Variants in NOSTRIN observed in about 807,000 individuals in gnomAD.
The protein encoded by NOSTRIN is BM247 homolog.
NOSTRIN carries 63 observed loss-of-function variants against 59.0 expected under a neutral mutation model. The observed-to-expected ratio is 1.07, with a 90% CI of 0.87 to 1.32. NOSTRIN has a LOEUF of 1.32. Among genes scored for constraint, NOSTRIN ranks in the 40% most tolerant of loss-of-function variants. The pLI is 0.00. For synonymous variants in NOSTRIN, 200 were observed against 165.4 expected (o/e 1.21, Z -1.61); for missense variants, 512 against 473.1 (o/e 1.08, Z -0.76).
At chr2:168,802,750 C>T in intron 1 of NOSTRIN, 77 bp downstream of exon 1, 1 of 833,198 alleles carries the variant, frequency 1.2e-6, no homozygotes, top group Non-Finnish European at 2.1e-6. Context: ...TGGATTTTAA[C>T]TTAAGAAATT....
chr2:168,850,577 C>A (rs1262272514), intron 8 of NOSTRIN, among the ~76,000 whole-genome samples: 1 of 151,930 alleles, frequency 6.6e-6, no homozygotes, highest in Non-Finnish European at 1.5e-5. Flanking sequence ...CTGGGCTTCA[C>A]CCTCTGGAAT....
intron 8 of NOSTRIN, among the ~76,000 whole-genome samples, chr2:168,843,573 G>C (rs1251112020): frequency 6.6e-6 from 1 of 151,860 alleles, no homozygotes; most frequent in Admixed American, 6.6e-5. Context: ...GGCAAAAGTA[G>C]ACACATAAAG....
chr2:168,817,012 A>G (rs921647807), intron 2 of NOSTRIN, among the ~76,000 whole-genome samples: 8 of 152,238 alleles, frequency 5.3e-5, no homozygotes, highest in Admixed American at 5.2e-4. Context: ...AAAAAATAAA[A>G]TCACAGGAGA....
intron 2 of NOSTRIN, among the ~76,000 whole-genome samples, chr2:168,816,721 T>C (rs1322164219): frequency 6.6e-6 from 1 of 152,238 alleles, no homozygotes; most frequent in African/African-American, 2.4e-5. Flanking sequence ...TCTTACACCC[T>C]GCACTGTAAT....
Position 168,851,188 on chromosome 2 carries a change from T to C in NOSTRIN, c.729+6T>C. Reference sequence around the variant, plus strand: ...TTGGCCAAACCCTGACCACAGTGAGTAGAGATGATCTCTCCATTTCTGGTA... The same window carrying C: ...TTGGCCAAACCCTGACCACAGTGAGCAGAGATGATCTCTCCATTTCTGGTA... On this transcript the variant is annotated splice_donor_region_variant and intron_variant, in intron 9 of 15. Transcript: ENST00000317647. 1 of 1,614,076 alleles carries C rather than the reference T, an allele frequency of 6.2e-7. No individual in the cohort carries two copies. Among genetic ancestry groups the C allele is most frequent in the Non-Finnish European group, 8.5e-7 (1 of 1,179,962 alleles).
At chr2:168,840,547 A>AAC (rs2105706436) in intron 7 of NOSTRIN, among the ~76,000 whole-genome samples, 1 of 146,036 alleles carries the variant, frequency 6.8e-6, no homozygotes, top group African/African-American at 2.8e-5. Context: ...AAAAAAAAAA[A>AAC]AAAACAAAAA....
intron 2 of NOSTRIN, among the ~76,000 whole-genome samples, chr2:168,821,550 C>T (rs1288221859): frequency 2.0e-5 from 3 of 152,248 alleles, no homozygotes; most frequent in Non-Finnish European, 2.9e-5. Context: ...AAACTGTTCA[C>T]ATCCGAGGGG....
intron 2 of NOSTRIN, among the ~76,000 whole-genome samples, chr2:168,790,037 G>C (rs1367044545): frequency 1.3e-5 from 2 of 152,180 alleles, no homozygotes; most frequent in Non-Finnish European, 2.9e-5. Context: ...GCCAGATCGA[G>C]TTAGCTCATT....
intron 2 of NOSTRIN, among the ~76,000 whole-genome samples, chr2:168,792,517 T>A (rs1252090470): frequency 6.6e-6 from 1 of 152,184 alleles, no homozygotes; most frequent in Non-Finnish European, 1.5e-5. Flanking sequence ...TGGTGCGATC[T>A]TGACTCACTG....
chr2:168,842,912 A>G (rs947152778), intron 7 of NOSTRIN, 80 bp from the exon 8 acceptor site: 4 of 809,216 alleles, frequency 4.9e-6, no homozygotes, highest in Non-Finnish European at 8.5e-6. Flanking sequence ...TCATTGAGCC[A>G]CATATAATTA....
At chr2:168,816,712 C>T (rs1355182040) in intron 2 of NOSTRIN, among the ~76,000 whole-genome samples, 1 of 152,184 alleles carries the variant, frequency 6.6e-6, no homozygotes, top group Non-Finnish European at 1.5e-5. Context: ...TGTTGTAGCT[C>T]TTACACCCTG....
At position 168,856,673 on chromosome 2, in the gene NOSTRIN, C is replaced by T. The variant is rs1398745434; in HGVS notation, c.965-17C>T. ...AGACAGTGTGAAAGGTGACTGAGAA[C>T]ATGATTTCATTTTCAGGCCTGGAAC... On this transcript the variant is annotated splice_polypyrimidine_tract_variant and intron_variant, in intron 11 of 15. Transcript: ENST00000317647. The T allele has an allele frequency of 6.2e-7, 1 of 1,611,374 alleles. No homozygotes were observed. The highest frequency in any genetic ancestry group is 1.1e-5 in the South Asian group (1 of 91,000).
chr2:168,843,563 G>A (rs1410807067), intron 8 of NOSTRIN, among the ~76,000 whole-genome samples: 2 of 152,012 alleles, frequency 1.3e-5, no homozygotes, highest in African/African-American at 4.8e-5. Context: ...ACATCTCAGT[G>A]GCAAAAGTAG....
At chr2:168,837,800 G>A (rs1157580313) in intron 7 of NOSTRIN, among the ~76,000 whole-genome samples, 1 of 152,146 alleles carries the variant, frequency 6.6e-6, no homozygotes, top group African/African-American at 2.4e-5. Flanking sequence ...TAACTTCTCG[G>A]AAGTATTAAG....
At chr2:168,807,522 G>C (rs1451860539) in intron 1 of NOSTRIN, among the ~76,000 whole-genome samples, 1 of 152,166 alleles carries the variant, frequency 6.6e-6, no homozygotes, top group African/African-American at 2.4e-5. Flanking sequence ...TTGGCGTATA[G>C]TATATAGGAT....
chr2:168,818,408 G>A (rs555704971), intron 2 of NOSTRIN: 22 of 164,332 alleles, frequency 1.3e-4, no homozygotes, highest in Admixed American at 1.1e-3. Context: ...CTCCTACCTC[G>A]GCCTCTGGAG....
intron 2 of NOSTRIN, among the ~76,000 whole-genome samples, chr2:168,820,286 G>T (rs1019960065): frequency 6.6e-5 from 10 of 152,128 alleles, no homozygotes; most frequent in Admixed American, 5.9e-4. Flanking sequence ...TTGGTGTTCC[G>T]TTCCATGAAA....
chr2:168,800,412 G>T (rs545724744), upstream of NOSTRIN, among the ~76,000 whole-genome samples: 1 of 152,108 alleles, frequency 6.6e-6, no homozygotes, highest in Non-Finnish European at 1.5e-5. Flanking sequence ...ACATTCCTCC[G>T]AGAAGCTCAA....
chr2:168,845,128 G>T (rs471087), intron 8 of NOSTRIN, among the ~76,000 whole-genome samples: 97,577 of 151,996 alleles, frequency 0.64, 32,351 homozygotes, highest in African/African-American at 0.81. Context: ...CATAAGCTCC[G>T]GGTACTCTCT....
Sources: allele counts gnomAD v4.1 joint callset (sites outside exome capture counted in the v4.1 genomes callset), GRCh38; gene constraint gnomAD v4.1.1; transcripts MANE v1.5; gene names NCBI Gene and HGNC (gene_info 2026-07-23, HGNC 2026-07-21).